Variants in RAB38 observed in about 807,000 individuals in gnomAD.
The protein encoded by RAB38 is RAB38, member RAS oncogene family, also known as ras-related protein Rab-38.
RAB38 carries 15 observed loss-of-function variants against 18.4 expected under a neutral mutation model. The ratio of observed to expected loss-of-function variants is 0.82; its 90% confidence interval spans 0.55 to 1.26. The LOEUF is 1.26. Among genes scored for constraint, RAB38 ranks in the 50% most tolerant of loss-of-function variants. The pLI is 0.00. For missense variants in RAB38, 294 were observed against 267.4 expected, an observed-to-expected ratio of 1.10 and a Z score of -0.69; for synonymous variants, 101 against 104.4, an observed-to-expected ratio of 0.97 and a Z score of 0.20.
At chr11:88,161,604 T>C (rs997980616) in intron 1 of RAB38, among the ~76,000 whole-genome samples, 2 of 152,108 alleles carry the variant, frequency 1.3e-5, no homozygotes, top group Non-Finnish European at 2.9e-5. Flanking sequence ...CAAGATTTTA[T>C]GGTGGAAATA....
In RAB38 at chr11:88,175,252, C is replaced by G. The variant is rs754958467; in HGVS notation, c.133G>C (p.Asp45His). 6.2e-7 allele frequency: 1 copy of G among 1,614,166 alleles called. No homozygotes were observed. The highest frequency in any genetic ancestry group is 8.5e-7 in the Non-Finnish European group (1 of 1,180,022). Reference protein sequence around the residue: ...SSHYRATIGVDFALKVLHWDP... With the variant: ...SSHYRATIGVHFALKVLHWDP... ...CAGTGGAGCACCTTGAGCGCGAAGT[C>G]CACGCCGATTGTGGCCCGGTAGTGC... Residue 45 changes from aspartate to histidine, a missense_variant, in exon 1 of 3, where the codon GAC (aspartate) becomes CAC (histidine). Asp to His is a moderately conservative substitution (Grantham distance 81). Transcript: ENST00000243662.
chr11:88,159,221 AT>A (rs1943159811), intron 1 of RAB38, among the ~76,000 whole-genome samples: 2 of 149,834 alleles, frequency 1.3e-5, no homozygotes, highest in Non-Finnish European at 1.5e-5. Context: ...AAATAAATAA[AT>A]AAATAAATAA....
chr11:87,892,621 C>T, the RAB38 span, among the ~76,000 whole-genome samples: 1 of 151,772 alleles, frequency 6.6e-6, no homozygotes, highest in Non-Finnish European at 1.5e-5. Context: ...CTACTACTGT[C>T]ACTCCCCACT....
chr11:87,816,616 T>TA, the RAB38 span: 4 of 151,998 alleles, frequency 2.6e-5, no homozygotes, highest in Non-Finnish European at 2.9e-5. Context: ...TGCGAGGTGG[T>TA]AAAAAACTCT....
rs1156550791 is a variant in RAB38 at position 88,175,351 on chromosome 11, A to C, written c.34T>G (p.Leu12Val). 1 of 1,613,986 alleles carries C rather than the reference A, an allele frequency of 6.2e-7. No homozygotes were observed. The highest frequency in any genetic ancestry group is 1.3e-5 in the African/African-American group (1 of 74,912). The change falls in exon 1 of 3, where the codon TTG becomes GTG. Residue 12 changes from leucine (L) to valine (V), a missense_variant. Coordinates refer to ENST00000243662, the MANE Select transcript of RAB38 (RefSeq NM_022337.3). ...QAPHKEHLYKLLVIGDLGVGK... is the reference protein window; with the variant it reads ...QAPHKEHLYKVLVIGDLGVGK... ...ACGCCCAGGTCGCCAATCACCAGCA[A>C]CTTGTACAGGTGCTCCTTGTGCGGG...
the RAB38 span, among the ~76,000 whole-genome samples, chr11:87,881,902 G>T: frequency 1.5e-3 from 228 of 151,920 alleles, no homozygotes; most frequent in African/African-American, 5.2e-3. Context: ...ATGAGCAAAG[G>T]GCTGGTTGGT....
the RAB38 span, among the ~76,000 whole-genome samples, chr11:87,966,130 A>G: frequency 2.0e-5 from 3 of 151,886 alleles, no homozygotes; most frequent in Non-Finnish European, 2.9e-5. Context: ...CCACAAAGGC[A>G]CCAGCCACAA....
At position 88,147,890 on chromosome 11, in the gene RAB38, C is replaced by G. The variant is rs149367696; in HGVS notation, c.483+1785G>C. On this transcript the variant is annotated intron_variant, in intron 2 of 2. Transcript: ENST00000243662. ...CCTGGGTGACAGAGCGAGACTCTGT[C>G]TCAAAAAAACAAACAAACAAAAAAA... 6.1e-3 allele frequency among the ~76,000 whole-genome samples: 932 copies of G among 151,944 alleles called. 10 individuals are homozygous for G. Among genetic ancestry groups the G allele is most frequent in the African/African-American group, 0.021 (888 of 41,412 alleles).
At chr11:87,852,334 A>C in the RAB38 span, among the ~76,000 whole-genome samples, 1 of 152,184 alleles carries the variant, frequency 6.6e-6, no homozygotes, top group Non-Finnish European at 1.5e-5. Context: ...ATTTTGGAGT[A>C]GTAAGTAGTA....
the RAB38 span, among the ~76,000 whole-genome samples, chr11:87,974,107 A>T: frequency 3.3e-5 from 5 of 152,006 alleles, no homozygotes; most frequent in Non-Finnish European, 5.9e-5. Flanking sequence ...ATAGTCAAAG[A>T]AGGAGGCAAA....
chr11:88,006,636 T>TATAC, the RAB38 span, among the ~76,000 whole-genome samples: 3 of 147,160 alleles, frequency 2.0e-5, no homozygotes, highest in Non-Finnish European at 4.5e-5. Flanking sequence ...AATATATATA[T>TATAC]ACACATATAG....
At chr11:87,821,056 C>A in the RAB38 span, among the ~76,000 whole-genome samples, 1 of 152,048 alleles carries the variant, frequency 6.6e-6, no homozygotes, top group Non-Finnish European at 1.5e-5. Flanking sequence ...AAGGGAGGAA[C>A]AGAAGCAATA....
chr11:88,097,067 CAT>C, the RAB38 span, among the ~76,000 whole-genome samples: 11 of 151,834 alleles, frequency 7.2e-5, no homozygotes, highest in Non-Finnish European at 1.6e-4. Context: ...TCTATATCCC[CAT>C]ATGTTTTTAT....
chr11:88,092,249 G>A, the RAB38 span, among the ~76,000 whole-genome samples: 2 of 149,588 alleles, frequency 1.3e-5, no homozygotes, highest in East Asian at 4.0e-4. Context: ...TGCTCAACTT[G>A]TGGTAAGTCT....
the RAB38 span, among the ~76,000 whole-genome samples, chr11:87,950,102 A>G: frequency 6.6e-6 from 1 of 152,340 alleles, no homozygotes; most frequent in African/African-American, 2.4e-5. Context: ...TATTTAGGAT[A>G]GTTACCTCTT....
the RAB38 span, among the ~76,000 whole-genome samples, chr11:88,068,244 T>C: frequency 1.3e-5 from 2 of 152,212 alleles, no homozygotes; most frequent in South Asian, 2.1e-4. Flanking sequence ...TGTGGATTTA[T>C]GTAAAATATC....
At chr11:87,813,215 CA>C in the RAB38 span, among the ~76,000 whole-genome samples, 1 of 152,150 alleles carries the variant, frequency 6.6e-6, no homozygotes, top group Non-Finnish European at 1.5e-5. Flanking sequence ...AGAAACCTCA[CA>C]GGATTTATTT....
chr11:88,124,978 A>C (rs1451728334), intron 2 of RAB38, among the ~76,000 whole-genome samples: 1 of 152,152 alleles, frequency 6.6e-6, no homozygotes, highest in Admixed American at 6.6e-5. Context: ...GGGCTCTTCA[A>C]CTTATGCTTA....
chr11:88,096,457 C>T, the RAB38 span, among the ~76,000 whole-genome samples: 5 of 151,864 alleles, frequency 3.3e-5, no homozygotes, highest in East Asian at 7.8e-4. Flanking sequence ...CTCCCTCTTA[C>T]GTGTCTACCT....
Sources: allele counts gnomAD v4.1 joint callset (sites outside exome capture counted in the v4.1 genomes callset), GRCh38; gene constraint gnomAD v4.1.1; transcripts MANE v1.5; gene names NCBI Gene and HGNC (gene_info 2026-07-23, HGNC 2026-07-21).